ACER3: variants seen among roughly 807,000 people sequenced by gnomAD.
ACER3 encodes the protein alkCDase 3.
In ACER3, 16 loss-of-function variants were observed where a neutral mutation model predicts 48.9. The ratio of observed to expected loss-of-function variants is 0.33; its 90% CI spans 0.22 to 0.50. The LOEUF (loss-of-function observed/expected upper bound fraction) is 0.50, where lower values mean the gene tolerates loss of function less well. Ranked by LOEUF, ACER3 falls within the 20% of genes least tolerant of loss-of-function variation. ACER3 has a pLI of 0.98. For synonymous variants in ACER3, 109 were observed against 107.8 expected (o/e 1.01, Z -0.07); for missense variants, 227 against 326.0 (o/e 0.70, Z 2.34).
chr11:76,996,432 T>TTA (rs1948913061), intron 6 of ACER3, among the ~76,000 whole-genome samples: 2 of 142,778 alleles, frequency 1.4e-5, no homozygotes, highest in Admixed American at 1.4e-4. Flanking sequence ...TATTATTATT[T>TTA]TTTGAGACAG....
At chr11:76,981,582 T>C (rs1948586349) in intron 4 of ACER3, among the ~76,000 whole-genome samples, 1 of 152,234 alleles carries the variant, frequency 6.6e-6, no homozygotes, top group African/African-American at 2.4e-5. Flanking sequence ...CTGATCTACT[T>C]TCTATAATTA....
chr11:76,902,120 A>G (rs1395587885), intron 1 of ACER3, among the ~76,000 whole-genome samples: 4 of 151,512 alleles, frequency 2.6e-5, no homozygotes, highest in Admixed American at 2.0e-4. Flanking sequence ...TTTCTTCTCA[A>G]TTTTCTTAAT....
intron 4 of ACER3, among the ~76,000 whole-genome samples, chr11:76,979,971 T>G (rs1948546846): frequency 6.6e-6 from 1 of 150,772 alleles, no homozygotes; most frequent in African/African-American, 2.4e-5. Context: ...AGACCTTATC[T>G]CTACAAAAAT....
intron 1 of ACER3, among the ~76,000 whole-genome samples, chr11:76,917,943 T>G (rs1474087): frequency 0.59 from 89,665 of 151,620 alleles, 28,807 homozygotes; most frequent in Non-Finnish European, 0.73. Flanking sequence ...GCATATCTTT[T>G]TATCTGTCAG....
At chr11:76,929,025 G>T (rs1318118320) in intron 2 of ACER3, among the ~76,000 whole-genome samples, 1 of 152,108 alleles carries the variant, frequency 6.6e-6, no homozygotes, top group South Asian at 2.1e-4. Flanking sequence ...GATGGGGATG[G>T]CATTGAATCT....
At chr11:76,911,630 T>C (rs1291747316) in intron 1 of ACER3, among the ~76,000 whole-genome samples, 1 of 152,196 alleles carries the variant, frequency 6.6e-6, no homozygotes, top group Non-Finnish European at 1.5e-5. Context: ...CCTCTGACAC[T>C]ACCATGGTGT....
chr11:76,998,117 A>C (rs1006210545), intron 6 of ACER3, among the ~76,000 whole-genome samples: 2 of 152,180 alleles, frequency 1.3e-5, no homozygotes, highest in African/African-American at 2.4e-5. Flanking sequence ...TATTGGCTTT[A>C]TATGTATTTG....
At chr11:77,017,716 TAAAC>T (rs781988888) in intron 9 of ACER3, among the ~76,000 whole-genome samples, 6 of 152,322 alleles carry the variant, frequency 3.9e-5, no homozygotes, top group Non-Finnish European at 7.4e-5. Context: ...GATTTCAAAA[TAAAC>T]AAGCATGCAT....
At position 76,879,744 on chromosome 11, in the gene ACER3, T is replaced by G. The variant is rs562568724; in HGVS notation, c.103+18665T>G. On this transcript the variant is annotated intron_variant, in intron 1 of 10. Coordinates refer to ENST00000532485, the MANE Select transcript of ACER3 (RefSeq NM_018367.7). ...TGCTTTTTGAATGTTGGATAAACTT[T>G]GTTTCGCTGGCCCACTTGAACATGG... 2.1e-4 allele frequency among the ~76,000 whole-genome samples: 32 copies of G among 152,330 alleles called. 1 individual carries two copies. Among genetic ancestry groups the G allele is most frequent in the African/African-American group, 7.7e-4 (32 of 41,594 alleles).
At chr11:77,009,858 A>G (rs1949225231) in intron 7 of ACER3, among the ~76,000 whole-genome samples, 1 of 151,994 alleles carries the variant, frequency 6.6e-6, no homozygotes, top group Admixed American at 6.6e-5. Flanking sequence ...ACTTCAAGGC[A>G]TTTGAAGATA....
At chr11:77,016,816 TTTG>T (rs1324864535) in intron 9 of ACER3, 37 bp downstream of exon 9, 9 of 1,162,204 alleles carry the variant, frequency 7.7e-6, no homozygotes, top group African/African-American at 3.9e-5. Context: ...CGTACTAGAG[TTTG>T]TTGTTTTTTT....
intron 3 of ACER3, among the ~76,000 whole-genome samples, chr11:76,964,962 ATGACTT>A (rs1467408296): frequency 6.6e-6 from 1 of 151,414 alleles, no homozygotes; most frequent in Non-Finnish European, 1.5e-5. Flanking sequence ...TGGACGGAGA[ATGACTT>A]TGACAAGTTG....
At chr11:76,888,015 GC>G (rs1285880045) in intron 1 of ACER3, among the ~76,000 whole-genome samples, 3 of 151,728 alleles carry the variant, frequency 2.0e-5, no homozygotes, top group Non-Finnish European at 4.4e-5. Context: ...ATGGGGTTTT[GC>G]CATGTTGCCC....
At chr11:76,920,659 C>A (rs867429824) in intron 1 of ACER3, among the ~76,000 whole-genome samples, 1 of 142,898 alleles carries the variant, frequency 7.0e-6, no homozygotes, top group Non-Finnish European at 1.5e-5. Flanking sequence ...TTTTAACAGA[C>A]AGAGTCTTGC....
Position 77,025,512 on chromosome 11 carries a change from G to T in ACER3, c.*5185G>T, listed in dbSNP as rs940248025. On this transcript the variant is annotated 3_prime_UTR_variant, in exon 11 of 11. Transcript: ENST00000532485. ...AACCTCCGCCTCCCAAGGTTCAAGCGATTCTCCTGCCTCAGCCTCCCGAGT... is the reference window on the plus strand; with the variant it reads ...AACCTCCGCCTCCCAAGGTTCAAGCTATTCTCCTGCCTCAGCCTCCCGAGT... The T allele has an allele frequency of 3.3e-5, 5 of 151,580 alleles. No homozygotes were observed. Among genetic ancestry groups the T allele is most frequent in the Non-Finnish European group, 7.4e-5 (5 of 67,978 alleles). The allele number at this position is 151,580 out of a possible 1,614,324, so 9.4% of individuals were successfully genotyped here. A position where few individuals can be genotyped will look rare whatever the true frequency, so the allele number is the denominator to read the frequency against.
At chr11:77,005,388 C>T (rs1450401564) in intron 7 of ACER3, among the ~76,000 whole-genome samples, 1 of 152,104 alleles carries the variant, frequency 6.6e-6, no homozygotes. Context: ...TAATGTTAAT[C>T]AGCATTTTAC....
chr11:77,019,670 G>T lies in ACER3; in HGVS notation c.705-61G>T, dbSNP rs373224175. 5 of 1,517,240 alleles carry T rather than the reference G, an allele frequency of 3.3e-6. No individual in the cohort carries two copies. The Admixed American group carries it at 6.7e-5, about 20-fold the overall frequency. The allele number at this position is 1,517,240 out of a possible 1,614,324, so 94.0% of individuals were successfully genotyped here. ...GCACTATGGTTACGTTTGTCAGTAC[G>T]CCAGTTTGCATGAATTCAAAATGAA... On this transcript the variant is annotated intron_variant, in intron 9 of 10. Transcript: ENST00000532485.
intron 1 of ACER3, among the ~76,000 whole-genome samples, chr11:76,895,814 A>C (rs1945915411): frequency 6.6e-6 from 1 of 152,222 alleles, no homozygotes; most frequent in Non-Finnish European, 1.5e-5. Context: ...ATTGGCTGAC[A>C]GTAAAAATTG....
rs138855608 is a variant in ACER3 at position 77,008,532 on chromosome 11, G to A, written c.498-6484G>A. 4.6e-3 allele frequency among the ~76,000 whole-genome samples: 704 copies of A among 152,198 alleles called. 4 individuals carry two copies. The highest frequency in any genetic ancestry group is 7.9e-3 in the Non-Finnish European group (538 of 68,004). On this transcript the variant is annotated intron_variant, in intron 7 of 10. Coordinates refer to ENST00000532485, the MANE Select transcript of ACER3 (RefSeq NM_018367.7). ...AGCACTGGTCATTATTTCCTTATCT[G>A]TCTGCTCAACTAGACTGTGAGCTTC...
Sources: gnomAD v4.1 joint callset for allele counts (sites outside exome capture counted in the v4.1 genomes callset) on GRCh38, gnomAD v4.1.1 for gene constraint, MANE v1.5 for transcripts, NCBI Gene and HGNC (gene_info 2026-07-23, HGNC 2026-07-21) for gene names.